ATG12: variants seen among roughly 807,000 people sequenced by gnomAD.
ATG12 encodes ubiquitin-like protein ATG12.
Under a neutral mutation model 17.6 loss-of-function variants are expected in ATG12, and 19 were observed. That is an observed-to-expected ratio of 1.08 (90% CI 0.75 to 1.58). The LOEUF (loss-of-function observed/expected upper bound fraction) is 1.58, where lower values mean the gene tolerates loss of function less well. ATG12 is among the 40% of genes most tolerant of loss of function. The pLI, the probability that ATG12 is intolerant of heterozygous loss-of-function variation, is 0.00. For synonymous variants in ATG12, 75 were observed against 62.4 expected (o/e 1.20, Z -0.95); for missense variants, 214 against 162.0 (o/e 1.32, Z -1.74).
intron 1 of ATG12, chr5:115,840,613 CTTA>C (rs967963997): frequency 1.1e-4 from 138 of 1,277,440 alleles, no homozygotes; most frequent in Non-Finnish European, 1.3e-4. Flanking sequence ...CCACTGTCAT[CTTA>C]AGACAGAACG....
At chr5:115,834,805 A>T (rs1414647946) in intron 2 of ATG12, 1 of 152,138 alleles carries the variant, frequency 6.6e-6, no homozygotes, top group African/African-American at 2.4e-5. Flanking sequence ...TACATTTCCA[A>T]ATGATTTCAA....
rs1468212929 is a variant in ATG12 at position 115,830,676 on chromosome 5, T to C, written c.*1128A>G. 1.3e-5 allele frequency: 2 copies of C among 152,064 alleles called. No individual in the cohort carries two copies. The highest frequency in any genetic ancestry group is 2.4e-5 in the African/African-American group (1 of 41,406). The allele number at this position is 152,064 out of a possible 1,614,324, so 9.4% of individuals were successfully genotyped here. A position where few individuals can be genotyped will look rare whatever the true frequency, so the allele number is the denominator to read the frequency against. ...TCTTGCCTCTGCAGCCTAATAATTT[T>C]TTTTTAATTTTTATTTTTTTGTAGA... is the stretch of plus-strand genomic sequence containing the variant. On this transcript the variant is annotated 3_prime_UTR_variant, in exon 4 of 4. Coordinates refer to ENST00000509910, the MANE Select transcript of ATG12 (RefSeq NM_004707.4).
intron 3 of ATG12, 105 bp from the exon 4 acceptor site, chr5:115,831,968 T>TAA (rs1318120325): frequency 9.7e-7 from 1 of 1,026,588 alleles, no homozygotes; most frequent in Non-Finnish European, 1.4e-6. Flanking sequence ...ACACGTATAT[T>TAA]AAGTTACCTA....
chr5:115,837,310 G>A (rs973357046), intron 2 of ATG12, among the ~76,000 whole-genome samples: 1 of 151,912 alleles, frequency 6.6e-6, no homozygotes, highest in Admixed American at 6.5e-5. Flanking sequence ...AGGCGGCCCC[G>A]TCTCTACTAA....
At chr5:115,841,225 A>G (rs1016004672) in intron 1 of ATG12, 165 bp downstream of exon 1, 6 of 827,758 alleles carry the variant, frequency 7.2e-6, no homozygotes, top group Non-Finnish European at 1.1e-5. Flanking sequence ...CACTCAACTT[A>G]AAGGCCTTAA....
At chr5:115,832,686 C>G in intron 2 of ATG12, 22 bp from the exon 3 acceptor site, 1 of 1,409,204 alleles carries the variant, frequency 7.1e-7, no homozygotes, top group Non-Finnish European at 9.3e-7. Flanking sequence ...GAAGGAAAAA[C>G]AGAGATGTTT....
chr5:115,837,181 A>G (rs1445258310), intron 2 of ATG12, among the ~76,000 whole-genome samples: 1 of 152,206 alleles, frequency 6.6e-6, no homozygotes, highest in African/African-American at 2.4e-5. Context: ...ATTGTAAAAC[A>G]AATCTAAAAC....
Position 115,832,645 on chromosome 5 carries a change from G to A in ATG12, c.320C>T (p.Ser107Phe). 1 of 1,501,848 alleles carries A rather than the reference G, an allele frequency of 6.7e-7. No individual in the cohort carries two copies. Among genetic ancestry groups the A allele is most frequent in the Non-Finnish European group, 8.8e-7 (1 of 1,135,362 alleles). 93.0% of individuals were successfully genotyped at this position (1,501,848 alleles called of 1,614,324 possible). Residue 107 changes from serine (S) to phenylalanine (F), a missense_variant, in exon 3 of 4, where the codon TCC becomes TTC. Ser to Phe is a radical substitution (Grantham distance 155, BLOSUM62 -2). Coordinates refer to ENST00000509910, the MANE Select transcript of ATG12 (RefSeq NM_004707.4). ...SEQLFIYVNQ[S>F]FAPSPDQEVG... ...TTCTTGGTCTGGGGAAGGAGCAAAG[G>A]ACTGATTCACATAAATAAACTACAA...
intron 3 of ATG12, 53 bp downstream of exon 3, chr5:115,832,549 A>G (rs1282444128): frequency 1.1e-5 from 16 of 1,484,978 alleles, no homozygotes; most frequent in East Asian, 5.2e-5. Flanking sequence ...CTCGATTAAG[A>G]AAAAAAAGCA....
chr5:115,830,703 T>C lies in ATG12; in HGVS notation c.*1101A>G, dbSNP rs1254686488. 1.3e-5 allele frequency: 2 copies of C among 151,902 alleles called. No individual in the cohort carries two copies. Among genetic ancestry groups the C allele is most frequent in the African/African-American group, 4.8e-5 (2 of 41,340 alleles). 9.4% of individuals were successfully genotyped at this position (151,902 alleles called of 1,614,324 possible). A position where few individuals can be genotyped will look rare whatever the true frequency, so the allele number is the denominator to read the frequency against. ...TTTTAATTTTTATTTTTTTGTAGAG[T>C]TGGGGATCTTGCCTTGCTAACCAGG... On this transcript the variant is annotated 3_prime_UTR_variant, in exon 4 of 4. Transcript: ENST00000509910.
Position 115,829,638 on chromosome 5 carries a change from AG to A in ATG12, c.*2165del, listed in dbSNP as rs1760782618. ...AATTTAAAATATCACCTGAATGTTC[AG>A]TTTTTCCCCCAAGTTTAATCAGACT... On this transcript the variant is annotated 3_prime_UTR_variant, in exon 4 of 4. Transcript: ENST00000509910. 1 of 152,358 alleles carries A rather than the reference AG, an allele frequency of 6.6e-6. No homozygotes were observed. The highest frequency in any genetic ancestry group is 2.4e-5 in the African/African-American group (1 of 41,586). 9.4% of individuals were successfully genotyped at this position (152,358 alleles called of 1,614,324 possible). A position where few individuals can be genotyped will look rare whatever the true frequency, so the allele number is the denominator to read the frequency against.
intron 1 of ATG12, chr5:115,841,185 C>T (rs1761440684): frequency 1.5e-6 from 1 of 674,564 alleles, no homozygotes. Context: ...GTATCAGGCC[C>T]TACACCGATA....
chr5:115,833,979 T>A (rs1041243599), intron 2 of ATG12: 1 of 152,168 alleles, frequency 6.6e-6, no homozygotes, highest in African/African-American at 2.4e-5. Flanking sequence ...AATGAGCTTA[T>A]AATCTGTAGG....
In ATG12 at chr5:115,830,007, C is replaced by G. The variant is rs1760798994; in HGVS notation, c.*1797G>C. The G allele has an allele frequency of 6.6e-6, 1 of 151,480 alleles. No homozygotes were observed. The highest frequency in any genetic ancestry group is 1.5e-5 in the Non-Finnish European group (1 of 68,002). 9.4% of individuals were successfully genotyped at this position (151,480 alleles called of 1,614,324 possible). ...TGGCAGGTGCCTGTAATCCCAGCTA[C>G]TCAGGAGGCTGAGGCAGGAGAATCA... On this transcript the variant is annotated 3_prime_UTR_variant, in exon 4 of 4. Transcript: ENST00000509910.
chr5:115,833,881 G>A (rs189963518), intron 2 of ATG12: 1 of 152,128 alleles, frequency 6.6e-6, no homozygotes, highest in Non-Finnish European at 1.5e-5. Context: ...GAGGGGAAGG[G>A]CTCTCAATAA....
chr5:115,832,767 T>C, intron 2 of ATG12, 103 bp from the exon 3 acceptor site: 1 of 1,128,936 alleles, frequency 8.9e-7, no homozygotes, highest in Non-Finnish European at 1.2e-6. Flanking sequence ...TTTTCACAAT[T>C]GAAGAAAGCT....
chr5:115,829,714 TA>T lies in ATG12; in HGVS notation c.*2089del, dbSNP rs1369918020. ...TGTGTTGTAGGTTCTAGTCACCCAA[TA>T]ACTTATCGGATCCAGGCTTAATTAT... On this transcript the variant is annotated 3_prime_UTR_variant, in exon 4 of 4. Transcript: ENST00000509910. 5 of 152,218 alleles carry T rather than the reference TA, an allele frequency of 3.3e-5. No homozygotes were observed. Among genetic ancestry groups the T allele is most frequent in the Non-Finnish European group, 7.3e-5 (5 of 68,034 alleles). The allele number at this position is 152,218 out of a possible 1,614,324, so 9.4% of individuals were successfully genotyped here.
intron 3 of ATG12, among the ~76,000 whole-genome samples, chr5:115,832,199 T>C (rs6880889): frequency 1.3e-5 from 2 of 151,944 alleles, no homozygotes; most frequent in South Asian, 2.1e-4. Flanking sequence ...TTACAATGAC[T>C]CTGTAAGATG....
intron 2 of ATG12, chr5:115,833,726 G>A (rs1236700837): frequency 6.6e-6 from 1 of 152,170 alleles, no homozygotes; most frequent in African/African-American, 2.4e-5. Flanking sequence ...TTATGGCTGA[G>A]TAGAGTTCTG....
Sources: gnomAD v4.1 joint callset for allele counts (sites outside exome capture counted in the v4.1 genomes callset) on GRCh38, gnomAD v4.1.1 for gene constraint, MANE v1.5 for transcripts, NCBI Gene and HGNC (gene_info 2026-07-23, HGNC 2026-07-21) for gene names.